Variants in QRFPR observed in about 807,000 individuals in gnomAD.
QRFPR encodes the protein pyroglutamylated RFamide peptide receptor.
A neutral mutation model predicts 31.3 loss-of-function variants in QRFPR; 37 were observed. The observed-to-expected ratio is 1.18, with a 90% CI of 0.91 to 1.56. The LOEUF (loss-of-function observed/expected upper bound fraction) is 1.56. QRFPR is among the 40% of genes most tolerant of loss of function. QRFPR has a pLI of 0.00. For missense variants in QRFPR, 542 were observed against 532.5 expected, an observed-to-expected ratio of 1.02 and a Z score of -0.18; for synonymous variants, 197 against 192.0, an observed-to-expected ratio of 1.03 and a Z score of -0.22.
At position 121,380,589 on chromosome 4, in the gene QRFPR, A is replaced by T; in HGVS notation, c.59T>A (p.Leu20Gln). ...QFSRLLRDHN[L>Q]TREQFIALYR... ...CAGAGCGATGAACTGCTCCCGCGTC[A>T]GGTTGTGGTCCCGCAGCAGCCGAGA... The change falls in exon 1 of 6, where the codon CTG becomes CAG. Residue 20 changes from leucine to glutamine, a missense_variant. Physicochemically the swap from Leu to Gln is moderately radical, Grantham distance 113. Transcript: ENST00000394427. The T allele has an allele frequency of 6.2e-7, 1 of 1,605,970 alleles. No homozygotes were observed. The highest frequency in any genetic ancestry group is 1.3e-5 in the African/African-American group (1 of 74,906).
At chr4:121,336,590 T>A (rs1420704232) in intron 3 of QRFPR, among the ~76,000 whole-genome samples, 2 of 152,220 alleles carry the variant, frequency 1.3e-5, no homozygotes, top group African/African-American at 4.8e-5. Flanking sequence ...AATTGTATTT[T>A]AAGCATTAGA....
intron 2 of QRFPR, 28 bp from the exon 3 acceptor site, chr4:121,336,896 A>G (rs1725447010): frequency 6.2e-7 from 1 of 1,602,372 alleles, no homozygotes; most frequent in South Asian, 1.1e-5. Context: ...TCATGAGAGT[A>G]TGACTCAGTT....
chr4:121,380,296 C>A lies in QRFPR; in HGVS notation c.340+12G>T. On this transcript the variant is annotated intron_variant, in intron 1 of 5. Coordinates refer to ENST00000394427, the MANE Select transcript of QRFPR (RefSeq NM_198179.3). The stretch of plus-strand genomic sequence containing the variant: ...AGAGAGAAGGAGCGAAGGAGCGGGG[C>A]GCGACTCTTACCCCCCAGCCAGTTG... 2 of 1,592,892 alleles carry A rather than the reference C, an allele frequency of 1.3e-6. No homozygotes were observed. The highest frequency in any genetic ancestry group is 1.7e-6 in the Non-Finnish European group (2 of 1,166,372).
chr4:121,380,775 G>C lies in QRFPR; in HGVS notation c.-128C>G. 1 of 831,596 alleles carries C rather than the reference G, an allele frequency of 1.2e-6. No homozygotes were observed. The highest frequency in any genetic ancestry group is 2.9e-5 in the Admixed American group (1 of 34,034). The allele number at this position is 831,596 out of a possible 1,614,324, so 51.5% of individuals were successfully genotyped here. Reference sequence around the variant, plus strand: ...CTTCCTCTACTCTGGAGTCAGCCGCGCGGGAGGGCTCTAGGCTGCACCCCG... The same window carrying C: ...CTTCCTCTACTCTGGAGTCAGCCGCCCGGGAGGGCTCTAGGCTGCACCCCG... On this transcript the variant is annotated 5_prime_UTR_variant, in exon 1 of 6. Coordinates refer to ENST00000394427, the MANE Select transcript of QRFPR (RefSeq NM_198179.3).
rs758918140 is a variant in QRFPR at position 121,380,450 on chromosome 4, C to T, written c.198G>A (p.Val66=). The T allele has an allele frequency of 8.1e-6, 13 of 1,614,092 alleles. No individual in the cohort carries two copies. In the East Asian group the frequency reaches 1.1e-4, roughly 14 times the overall value. The stretch of plus-strand genomic sequence containing the variant: ...CCTTGCTGCGGGTCACCACGTAGAA[C>T]ACCAGAGCATTGCCAAAGAGCGCCA... ...FALALFGNAL[V]FYVVTRSKAM... is the part of the protein sequence containing the mutation. The change falls in exon 1 of 6, where the codon GTG becomes GTA. Residue 66 remains valine (V), a synonymous_variant. Coordinates refer to ENST00000394427, the MANE Select transcript of QRFPR (RefSeq NM_198179.3).
intron 1 of QRFPR, among the ~76,000 whole-genome samples, chr4:121,367,949 C>G (rs759883439): frequency 6.8e-5 from 10 of 147,420 alleles, no homozygotes; most frequent in Non-Finnish European, 1.5e-4. Context: ...ATAGAAGACA[C>G]AAATAAATTA....
chr4:121,334,009 TGTTAC>T (rs2110467192), intron 3 of QRFPR, among the ~76,000 whole-genome samples: 1 of 152,324 alleles, frequency 6.6e-6, no homozygotes, highest in East Asian at 1.9e-4. Flanking sequence ...CTGACCTAGG[TGTTAC>T]TTACAGATGC....
intron 1 of QRFPR, among the ~76,000 whole-genome samples, chr4:121,355,771 T>C (rs1043662428): frequency 6.6e-5 from 10 of 152,082 alleles, no homozygotes. Context: ...CATTTTTATT[T>C]GTTTTAAGAA....
intron 1 of QRFPR, chr4:121,369,882 T>C: frequency 1.2e-6 from 1 of 817,622 alleles, no homozygotes; most frequent in Non-Finnish European, 2.2e-6. Context: ...CTCTGCAGCT[T>C]TAGTTTGTGG....
At chr4:121,367,552 A>G (rs1726152880) in intron 1 of QRFPR, among the ~76,000 whole-genome samples, 1 of 150,470 alleles carries the variant, frequency 6.6e-6, no homozygotes, top group African/African-American at 2.5e-5. Context: ...TTGTAAAAGT[A>G]CACACCAAAT....
chr4:121,367,394 T>C (rs1409381636), intron 1 of QRFPR, among the ~76,000 whole-genome samples: 1 of 150,292 alleles, frequency 6.7e-6, no homozygotes, highest in African/African-American at 2.5e-5. Context: ...CACCCTTTTC[T>C]GTTTTCTGAG....
chr4:121,331,175 GTTTT>G (rs397995185), intron 4 of QRFPR, among the ~76,000 whole-genome samples: 1,162 of 69,048 alleles, frequency 0.017, 17 homozygotes, highest in African/African-American at 0.067. Context: ...TATATCTTGG[GTTTT>G]TTTTTTTTTT....
In QRFPR at chr4:121,380,673, C is replaced by A; in HGVS notation, c.-26G>T. On this transcript the variant is annotated 5_prime_UTR_variant, in exon 1 of 6. Coordinates refer to ENST00000394427, the MANE Select transcript of QRFPR (RefSeq NM_198179.3). ...TGCTGTGCGCTCCCGGGACGCGGGGCCACCGCCCGCTACTGGCTGGCCATC... is the reference window on the plus strand; with the variant it reads ...TGCTGTGCGCTCCCGGGACGCGGGGACACCGCCCGCTACTGGCTGGCCATC... The A allele has an allele frequency of 3.4e-6, 5 of 1,478,122 alleles. No individual in the cohort carries two copies. The highest frequency in any genetic ancestry group is 4.5e-6 in the Non-Finnish European group (5 of 1,110,118). 91.6% of individuals were successfully genotyped at this position (1,478,122 alleles called of 1,614,324 possible). A position where few individuals can be genotyped will look rare whatever the true frequency, so the allele number is the denominator to read the frequency against.
rs201485521 is a variant in QRFPR at position 121,365,462 on chromosome 4, T to TA, written c.340+14845dup. 2.8e-3 allele frequency among the ~76,000 whole-genome samples: 95 copies of TA among 34,214 alleles called. 24 individuals are homozygous for TA. The highest frequency in any genetic ancestry group is 7.0e-3 in the Admixed American group (12 of 1,706). 22.4% of individuals were successfully genotyped at this position (34,214 alleles called of 152,430 possible). Reference sequence around the variant, plus strand: ...GAGCGAGACTCCATCTCAAAAATAATAATAAATAAATTAATTAATTAATTA... The same window carrying TA: ...GAGCGAGACTCCATCTCAAAAATAATAAATAAATAAATTAATTAATTAATTA... On this transcript the variant is annotated intron_variant, in intron 1 of 5. Transcript: ENST00000394427.
chr4:121,358,131 A>T (rs905317848), intron 1 of QRFPR, among the ~76,000 whole-genome samples: 1 of 152,182 alleles, frequency 6.6e-6, no homozygotes, highest in African/African-American at 2.4e-5. Context: ...AAAAAGCAAA[A>T]ATCTGGGTTA....
intron 1 of QRFPR, among the ~76,000 whole-genome samples, chr4:121,379,307 C>T (rs1398203570): frequency 1.3e-5 from 2 of 152,126 alleles, no homozygotes; most frequent in Admixed American, 1.3e-4. Flanking sequence ...TAGGATGAAA[C>T]ACCCTCCATG....
intron 2 of QRFPR, 91 bp from the exon 3 acceptor site, chr4:121,336,959 G>A (rs1354982507): frequency 2.5e-6 from 3 of 1,182,498 alleles, no homozygotes; most frequent in African/African-American, 1.5e-5. Context: ...CCCTATGAGA[G>A]GGCAGCTGTT....
intron 1 of QRFPR, among the ~76,000 whole-genome samples, chr4:121,353,890 G>A (rs1725812783): frequency 6.6e-6 from 1 of 151,958 alleles, no homozygotes; most frequent in Admixed American, 6.6e-5. Context: ...GATGTATAAT[G>A]GCAAGAGATA....
chr4:121,349,186 A>G (rs1277081521), intron 1 of QRFPR, among the ~76,000 whole-genome samples: 1 of 152,214 alleles, frequency 6.6e-6, no homozygotes. Context: ...CTTTGTAATT[A>G]GAAATCTGAA....
Sources: allele counts gnomAD v4.1 joint callset (sites outside exome capture counted in the v4.1 genomes callset), GRCh38; gene constraint gnomAD v4.1.1; transcripts MANE v1.5; gene names NCBI Gene and HGNC (gene_info 2026-07-23, HGNC 2026-07-21).